Variants in ADGRB3 observed in about 807,000 individuals in gnomAD.
ADGRB3 encodes adhesion G protein-coupled receptor B3.
ADGRB3 carries 37 observed loss-of-function variants against 193.4 expected under a neutral mutation model. The observed-to-expected ratio is 0.19, with a 90% CI of 0.15 to 0.25. ADGRB3 has a LOEUF of 0.25. Among genes scored for constraint, ADGRB3 ranks in the 10% least tolerant of loss-of-function variants. The pLI, the probability that ADGRB3 is intolerant of heterozygous loss-of-function variation, is 1.00. For synonymous variants in ADGRB3, 690 were observed against 644.2 expected, an observed-to-expected ratio of 1.07 and a Z score of -1.08; for missense variants, 1,637 against 1,852.9, an observed-to-expected ratio of 0.88 and a Z score of 2.14.
chr6:69,102,761 T>C (rs1199249520), intron 17 of ADGRB3, among the ~76,000 whole-genome samples: 1 of 152,232 alleles, frequency 6.6e-6, no homozygotes, highest in Non-Finnish European at 1.5e-5. Context: ...ATTGGACTTG[T>C]AATGAGTCCA....
chr6:69,322,898 T>A (rs964389543), intron 20 of ADGRB3, among the ~76,000 whole-genome samples: 8 of 151,970 alleles, frequency 5.3e-5, no homozygotes, highest in Non-Finnish European at 1.5e-5. Context: ...TTTCTTTAGC[T>A]ACAACACATT....
intron 3 of ADGRB3, among the ~76,000 whole-genome samples, chr6:68,647,597 A>G (rs535866353): frequency 6.6e-6 from 1 of 152,336 alleles, no homozygotes; most frequent in South Asian, 2.1e-4. Context: ...TAACATCTCA[A>G]TACCTTTGTG....
intron 20 of ADGRB3, 146 bp downstream of exon 20, chr6:69,239,372 TA>T (rs767168142): frequency 1.7e-6 from 1 of 586,884 alleles, no homozygotes; most frequent in African/African-American, 1.9e-5. Flanking sequence ...GGTTTATGAA[TA>T]AAAACATTGT....
At chr6:68,680,367 A>T (rs1333217473) in intron 3 of ADGRB3, among the ~76,000 whole-genome samples, 1 of 152,200 alleles carries the variant, frequency 6.6e-6, no homozygotes, top group African/African-American at 2.4e-5. Flanking sequence ...CGTACAAAGT[A>T]AGCAGCAGGG....
chr6:69,197,167 T>G (rs558628170), intron 17 of ADGRB3, among the ~76,000 whole-genome samples: 67 of 152,106 alleles, frequency 4.4e-4, no homozygotes, highest in Non-Finnish European at 8.4e-4. Context: ...CTAGTATATT[T>G]TAGTCTAAAT....
At chr6:69,008,174 A>G (rs1289669943) in intron 11 of ADGRB3, among the ~76,000 whole-genome samples, 1 of 152,146 alleles carries the variant, frequency 6.6e-6, no homozygotes, top group East Asian at 1.9e-4. Flanking sequence ...AACTGCTGCA[A>G]TCACTGTCTG....
intron 20 of ADGRB3, among the ~76,000 whole-genome samples, chr6:69,281,635 C>T (rs2127286207): frequency 6.6e-6 from 1 of 152,294 alleles, no homozygotes; most frequent in South Asian, 2.1e-4. Flanking sequence ...ATGAATCCCA[C>T]ATGGTACTGG....
intron 7 of ADGRB3, 142 bp downstream of exon 7, chr6:68,956,330 T>C: frequency 1.1e-6 from 1 of 910,158 alleles, no homozygotes; most frequent in Non-Finnish European, 1.6e-6. Context: ...TGTGTGTGTA[T>C]ACATGTATTT....
At chr6:69,110,958 G>GT (rs1344905473) in intron 17 of ADGRB3, among the ~76,000 whole-genome samples, 3 of 152,082 alleles carry the variant, frequency 2.0e-5, no homozygotes, top group African/African-American at 4.8e-5. Context: ...AGGAAATTAC[G>GT]TTTTTTCACC....
chr6:69,274,722 A>C (rs1012920265), intron 20 of ADGRB3, among the ~76,000 whole-genome samples: 17 of 151,646 alleles, frequency 1.1e-4, no homozygotes, highest in Non-Finnish European at 1.5e-5. Flanking sequence ...CTAGTGGGAA[A>C]AATGAGGCTG....
intron 3 of ADGRB3, among the ~76,000 whole-genome samples, chr6:68,776,295 T>G (rs1186684481): frequency 2.0e-5 from 3 of 152,122 alleles, no homozygotes; most frequent in Non-Finnish European, 4.4e-5. Flanking sequence ...AAAGAAATCC[T>G]TGCAAATTTA....
intron 20 of ADGRB3, among the ~76,000 whole-genome samples, chr6:69,244,973 C>T (rs534860855): frequency 2.0e-5 from 3 of 152,082 alleles, no homozygotes; most frequent in Admixed American, 2.0e-4. Context: ...TCCTCATGTC[C>T]AATTTCCTGC....
intron 29 of ADGRB3, among the ~76,000 whole-genome samples, chr6:69,363,255 A>G (rs1038920818): frequency 1.6e-4 from 25 of 152,030 alleles, no homozygotes; most frequent in Non-Finnish European, 2.2e-4. Context: ...CAAGACTTAC[A>G]TCTTGAAAAG....
At chr6:68,733,494 G>T (rs1482045982) in intron 3 of ADGRB3, among the ~76,000 whole-genome samples, 1 of 151,786 alleles carries the variant, frequency 6.6e-6, no homozygotes, top group Non-Finnish European at 1.5e-5. Flanking sequence ...AAAGGGGGAA[G>T]AAGGGAGGAA....
intron 3 of ADGRB3, among the ~76,000 whole-genome samples, chr6:68,862,382 A>G (rs1445065823): frequency 6.6e-6 from 1 of 152,190 alleles, no homozygotes; most frequent in East Asian, 1.9e-4. Flanking sequence ...GGTGCACCAG[A>G]ATGGGAAGTG....
chr6:68,727,631 T>A (rs1234939897), intron 3 of ADGRB3, among the ~76,000 whole-genome samples: 3 of 151,578 alleles, frequency 2.0e-5, no homozygotes, highest in Admixed American at 1.3e-4. Flanking sequence ...TTCATCATTG[T>A]GAGGCATCAC....
intron 17 of ADGRB3, among the ~76,000 whole-genome samples, chr6:69,183,537 G>A (rs897415406): frequency 6.6e-6 from 1 of 151,970 alleles, no homozygotes. Flanking sequence ...GAAGATTCTG[G>A]TACAGAGGTC....
intron 13 of ADGRB3, among the ~76,000 whole-genome samples, chr6:69,039,226 T>C (rs898582405): frequency 6.7e-6 from 1 of 149,120 alleles, no homozygotes; most frequent in Non-Finnish European, 1.5e-5. Flanking sequence ...AGGAAAAAAG[T>C]TAAAGTTTCC....
At chr6:68,883,037 G>A (rs1337024170) in intron 3 of ADGRB3, among the ~76,000 whole-genome samples, 3 of 151,954 alleles carry the variant, frequency 2.0e-5, no homozygotes, top group Non-Finnish European at 2.9e-5. Context: ...GGGACTACAG[G>A]TGCCCGCCAC....
Sources: allele counts gnomAD v4.1 joint callset (sites outside exome capture counted in the v4.1 genomes callset), GRCh38; gene constraint gnomAD v4.1.1; transcripts MANE v1.5; gene names NCBI Gene and HGNC (gene_info 2026-07-23, HGNC 2026-07-21).